Variants in DLGAP4 observed in about 807,000 individuals in gnomAD.
The protein encoded by DLGAP4 is disks large-associated protein 4.
Under a neutral mutation model 86.9 loss-of-function variants are expected in DLGAP4, and 18 were observed. The ratio of observed to expected loss-of-function variants is 0.21; its 90% confidence interval spans 0.14 to 0.31. The LOEUF (loss-of-function observed/expected upper bound fraction) is 0.31, where lower values mean the gene tolerates loss of function less well. Among genes scored for constraint, DLGAP4 ranks in the 10% least tolerant of loss-of-function variants. DLGAP4 has a pLI of 1.00. For missense variants in DLGAP4, 1,085 were observed against 1,362.6 expected (o/e 0.80, Z 3.21); for synonymous variants, 548 against 574.3 (o/e 0.95, Z 0.65).
At chr20:36,521,996 A>G (rs899409518) in intron 10 of DLGAP4, among the ~76,000 whole-genome samples, 7 of 152,070 alleles carry the variant, frequency 4.6e-5, no homozygotes, top group South Asian at 4.2e-4. Context: ...CCAGGCTGGC[A>G]GGAATCTGTA....
chr20:36,451,644 C>A (rs928083680), intron 7 of DLGAP4, among the ~76,000 whole-genome samples: 1 of 152,138 alleles, frequency 6.6e-6, no homozygotes, highest in Non-Finnish European at 1.5e-5. Flanking sequence ...AGCCACCACG[C>A]CTGGCTCTAC....
At chr20:36,358,476 C>T (rs782099640) in intron 1 of DLGAP4, among the ~76,000 whole-genome samples, 54 of 152,162 alleles carry the variant, frequency 3.5e-4, no homozygotes, top group African/African-American at 1.2e-3. Context: ...AGCAGGGATT[C>T]GGCAACTATT....
rs1555893393 is a variant in DLGAP4 at position 36,350,570 on chromosome 20, T to C, written c.-303-16475T>C. Among the ~76,000 whole-genome samples the C allele has an allele frequency of 6.6e-6, 1 of 152,152 alleles. No homozygotes were observed. Among genetic ancestry groups the C allele is most frequent in the Non-Finnish European group, 1.5e-5 (1 of 68,030 alleles). The stretch of plus-strand genomic sequence containing the variant: ...CCATCTGTCATTTCCCTGGGGTGAA[T>C]CAGATGATACAATGGCTGACAAGGG... On this transcript the variant is annotated intron_variant, in intron 1 of 12. Transcript: ENST00000339266. The surrounding 1 kb of genome is among the most constrained non-coding windows in gnomAD (Gnocchi z 4.4).
At position 36,306,574 on chromosome 20, in the gene DLGAP4, C is replaced by G. The variant is rs1423087385; in HGVS notation, c.-304+62C>G. ...CCCTTCCCGGGCCGGCGCGCTCCGTCCCTCGGCTAGACCCCCCGATCTGGT... is the reference window on the plus strand; with the variant it reads ...CCCTTCCCGGGCCGGCGCGCTCCGTGCCTCGGCTAGACCCCCCGATCTGGT... On this transcript the variant is annotated intron_variant, in intron 1 of 12. Transcript: ENST00000339266. This position sits in a 1 kb window ranked among gnomAD's most constrained non-coding sequence, Gnocchi z 4.9. 7 of 151,658 alleles carry G rather than the reference C, an allele frequency of 4.6e-5. No individual in the cohort carries two copies. Among genetic ancestry groups the G allele is most frequent in the Non-Finnish European group, 1.0e-4 (7 of 67,840 alleles). The allele number at this position is 151,658 out of a possible 1,614,324, so 9.4% of individuals were successfully genotyped here. A position where few individuals can be genotyped will look rare whatever the true frequency, so the allele number is the denominator to read the frequency against.
At chr20:36,347,199 G>T (rs562262775) in intron 1 of DLGAP4, among the ~76,000 whole-genome samples, 201 of 152,308 alleles carry the variant, frequency 1.3e-3, no homozygotes, top group African/African-American at 4.6e-3. Context: ...AGCAACCCCA[G>T]CTCCCAGCTG....
At chr20:36,315,268 C>T (rs1356328028) in intron 1 of DLGAP4, among the ~76,000 whole-genome samples, 2 of 151,848 alleles carry the variant, frequency 1.3e-5, no homozygotes, top group Admixed American at 1.3e-4. Context: ...GTGACAGGCA[C>T]TGTGACCCAG....
At chr20:36,503,734 C>T (rs915453574) in intron 10 of DLGAP4, among the ~76,000 whole-genome samples, 18 of 152,030 alleles carry the variant, frequency 1.2e-4, no homozygotes, top group African/African-American at 4.3e-4. Context: ...ATGATCCGCC[C>T]ACCTCAGCCT....
intron 7 of DLGAP4, chr20:36,461,699 C>T: frequency 1.4e-6 from 1 of 715,218 alleles, no homozygotes; most frequent in Non-Finnish European, 1.7e-6. Flanking sequence ...CCCCCGCCCT[C>T]GCCCTCCTCC....
chr20:36,526,271 C>CA (rs1432446177), intron 12 of DLGAP4: 25 of 614,630 alleles, frequency 4.1e-5, no homozygotes, highest in Admixed American at 1.7e-4. Flanking sequence ...CCCACAGCCT[C>CA]AATCACGTTA....
chr20:36,345,626 G>A (rs1333796640), intron 1 of DLGAP4, among the ~76,000 whole-genome samples: 1 of 152,238 alleles, frequency 6.6e-6, no homozygotes, highest in Non-Finnish European at 1.5e-5. Flanking sequence ...TACAGCCAAT[G>A]TCAGCTGTTA....
At position 36,409,756 on chromosome 20, in the gene DLGAP4, G is replaced by A. The variant is rs559255197; in HGVS notation, c.-72-21890G>A. Among the ~76,000 whole-genome samples, 174 of 150,878 alleles carry A rather than the reference G, an allele frequency of 1.2e-3. 1 individual carries two copies. The South Asian group carries it at 0.034, about 29-fold the overall frequency. On this transcript the variant is annotated intron_variant, in intron 2 of 12. Coordinates refer to ENST00000339266, the MANE Select transcript of DLGAP4 (RefSeq NM_001365621.2). Reference sequence around the variant, plus strand: ...ATAATAAAAAGCCCTCCTCCTGGCCGGGCGCAGTGGCTCAAGCCTGTAATC... The same window carrying A: ...ATAATAAAAAGCCCTCCTCCTGGCCAGGCGCAGTGGCTCAAGCCTGTAATC...
At chr20:36,347,915 C>T (rs563107259) in intron 1 of DLGAP4, among the ~76,000 whole-genome samples, 1 of 151,964 alleles carries the variant, frequency 6.6e-6, no homozygotes, top group Admixed American at 6.6e-5. Flanking sequence ...TTGGTGTCTC[C>T]ACGATCATTC....
At chr20:36,418,539 G>C (rs2032730434) in intron 2 of DLGAP4, among the ~76,000 whole-genome samples, 1 of 152,202 alleles carries the variant, frequency 6.6e-6, no homozygotes, top group Admixed American at 6.5e-5. Flanking sequence ...ACAAAGATGA[G>C]TGCTGCGTAT....
At chr20:36,461,748 T>TCCGCCCGTCCGC in intron 7 of DLGAP4, 5 of 852,112 alleles carry the variant, frequency 5.9e-6, no homozygotes, top group South Asian at 5.6e-5. Flanking sequence ...CGTCCGTCCG[T>TCCGCCCGTCCGC]CCGCCCGCCC....
chr20:36,336,157 C>T (rs1555892073), intron 1 of DLGAP4, among the ~76,000 whole-genome samples: 1 of 152,188 alleles, frequency 6.6e-6, no homozygotes, highest in Non-Finnish European at 1.5e-5. Flanking sequence ...TTTCCATCCT[C>T]GTAACCACCT....
In DLGAP4 at chr20:36,393,270, G is replaced by C. The variant is rs1024904380; in HGVS notation, c.-73+25995G>C. Among the ~76,000 whole-genome samples the C allele has an allele frequency of 6.6e-6, 1 of 152,074 alleles. No individual in the cohort carries two copies. Among genetic ancestry groups the C allele is most frequent in the Non-Finnish European group, 1.5e-5 (1 of 67,988 alleles). ...GGAACACAGACCTAACCAAGAGCCT[G>C]AGCAAGACTGGAAGTGCCTCCTTAG... On this transcript the variant is annotated intron_variant, in intron 2 of 12. Transcript: ENST00000339266. This position sits in a 1 kb window ranked among gnomAD's most constrained non-coding sequence, Gnocchi z 4.4.
chr20:36,404,287 G>A (rs1272419757), intron 2 of DLGAP4, among the ~76,000 whole-genome samples: 1 of 152,144 alleles, frequency 6.6e-6, no homozygotes, highest in African/African-American at 2.4e-5. Context: ...TGAACTCAGG[G>A]TCAGTGTGTC....
chr20:36,357,688 C>G (rs191631922), intron 1 of DLGAP4, among the ~76,000 whole-genome samples: 1 of 152,080 alleles, frequency 6.6e-6, no homozygotes. Flanking sequence ...ACGATGAGGT[C>G]GGAGAATGGT....
chr20:36,436,331 G>C lies in DLGAP4; in HGVS notation c.1222G>C (p.Glu408Gln). The stretch of plus-strand genomic sequence containing the variant: ...GAGGGCCACGCAGCAGTCGCTGGGA[G>C]AGCAGAGCAACCCCCGCAGGTAGGC... ...YLRATQQSLG[E>Q]QSNPRRSLDR... The change falls in exon 4 of 13, where the codon GAG becomes CAG. Residue 408 changes from glutamate to glutamine, a missense_variant. Glu to Gln is a conservative substitution (Grantham distance 29). Coordinates refer to ENST00000339266, the MANE Select transcript of DLGAP4 (RefSeq NM_001365621.2). 1 of 1,598,972 alleles carries C rather than the reference G, an allele frequency of 6.3e-7. No homozygotes were observed.
Sources: gnomAD v4.1 joint callset for allele counts (sites outside exome capture counted in the v4.1 genomes callset) on GRCh38, gnomAD v4.1.1 for gene constraint, Gnocchi (gnomAD v3.1) non-coding constraint, MANE v1.5 for transcripts, NCBI Gene and HGNC (gene_info 2026-07-23, HGNC 2026-07-21) for gene names.